SPATS2: variants seen among roughly 807,000 people sequenced by gnomAD.
SPATS2 encodes spermatogenesis-associated serine-rich protein 2.
Under a neutral mutation model 63.7 loss-of-function variants are expected in SPATS2, and 38 were observed. The observed-to-expected ratio is 0.60, with a 90% CI of 0.46 to 0.78. SPATS2 has a LOEUF of 0.78. Ranked by LOEUF, SPATS2 falls within the 30% of genes least tolerant of loss-of-function variation. The pLI, the probability that SPATS2 is intolerant of heterozygous loss-of-function variation, is 0.00. For synonymous variants in SPATS2, 207 were observed against 232.9 expected (o/e 0.89, Z 1.01); for missense variants, 588 against 666.2 (o/e 0.88, Z 1.29).
At position 49,455,417 on chromosome 12, in the gene SPATS2, C is replaced by T. The variant is rs370715867; in HGVS notation, c.-243-5353C>T. 4.7e-4 allele frequency among the ~76,000 whole-genome samples: 71 copies of T among 152,286 alleles called. No individual in the cohort carries two copies. In the South Asian group the frequency reaches 0.012, roughly 26 times the overall value. Reference sequence around the variant, plus strand: ...CATTTACCAAGGTCTCCTATAGTCTCTGTTTTCTGACACAGGATCTTGCTC... The same window carrying T: ...CATTTACCAAGGTCTCCTATAGTCTTTGTTTTCTGACACAGGATCTTGCTC... On this transcript the variant is annotated intron_variant, in intron 2 of 13. Transcript: ENST00000552918.
At chr12:49,369,097 G>A (rs935845392) in intron 1 of SPATS2, among the ~76,000 whole-genome samples, 6 of 142,956 alleles carry the variant, frequency 4.2e-5, no homozygotes, top group Non-Finnish European at 9.0e-5. Flanking sequence ...GTGCAGTGGC[G>A]TGATCTCGGC....
chr12:49,461,038 G>GTA lies in SPATS2; in HGVS notation c.25+2_25+3dup. 6.2e-7 allele frequency: 1 copy of GTA among 1,613,820 alleles called. No individual in the cohort carries two copies. Among genetic ancestry groups the GTA allele is most frequent in the Non-Finnish European group, 8.5e-7 (1 of 1,179,898 alleles). On this transcript the variant is annotated splice_donor_variant, in intron 3 of 13. Transcript: ENST00000552918. LOFTEE classifies it high-confidence loss of function. ...ATGTCCAGGAAACAGAACCAGAAGG[G>GTA]TAAGATTACATGTGGGCATAAATTG...
At chr12:49,378,046 C>G (rs1438969353) in intron 2 of SPATS2, among the ~76,000 whole-genome samples, 1 of 152,170 alleles carries the variant, frequency 6.6e-6, no homozygotes, top group Non-Finnish European at 1.5e-5. Flanking sequence ...GATCTTGGCT[C>G]ACTGCCACCT....
At chr12:49,497,947 A>T (rs60192471) in intron 8 of SPATS2, among the ~76,000 whole-genome samples, 1,662 of 152,032 alleles carry the variant, frequency 0.011, 28 homozygotes, top group African/African-American at 0.038. Flanking sequence ...ACATCTAAGC[A>T]TGGTGGTCCA....
At chr12:49,457,411 T>A (rs1355831841) in intron 2 of SPATS2, among the ~76,000 whole-genome samples, 1 of 152,042 alleles carries the variant, frequency 6.6e-6, no homozygotes, top group African/African-American at 2.4e-5. Context: ...TCCACTATGG[T>A]TAGTTGTTGA....
intron 4 of SPATS2, among the ~76,000 whole-genome samples, chr12:49,486,080 A>T (rs1324579977): frequency 1.3e-5 from 2 of 152,012 alleles, no homozygotes; most frequent in Admixed American, 6.6e-5. Flanking sequence ...TTTAAAAAAA[A>T]ATTGTTGACT....
At chr12:49,377,109 T>C (rs947202922) in intron 2 of SPATS2, among the ~76,000 whole-genome samples, 3 of 152,216 alleles carry the variant, frequency 2.0e-5, no homozygotes, top group African/African-American at 7.2e-5. Context: ...CTAGGTTTGT[T>C]GAAATGTCTA....
At chr12:49,396,706 TCTC>T (rs1422203100) in intron 2 of SPATS2, among the ~76,000 whole-genome samples, 8 of 152,148 alleles carry the variant, frequency 5.3e-5, no homozygotes, top group Non-Finnish European at 7.3e-5. Flanking sequence ...GGCTTTCTCT[TCTC>T]CTAGCTAGAG....
At chr12:49,477,431 A>G (rs1946136367) in intron 3 of SPATS2, among the ~76,000 whole-genome samples, 1 of 152,212 alleles carries the variant, frequency 6.6e-6, no homozygotes, top group Admixed American at 6.5e-5. Context: ...GAAAGCTGAA[A>G]TAACAGGAAT....
At chr12:49,524,923 T>C in intron 13 of SPATS2, 27 bp downstream of exon 13, 1 of 1,605,442 alleles carries the variant, frequency 6.2e-7, no homozygotes, top group South Asian at 1.1e-5. Flanking sequence ...ACTGAGCATG[T>C]TAGGAAGAAA....
chr12:49,427,761 T>G (rs988491234), intron 2 of SPATS2, among the ~76,000 whole-genome samples: 3 of 152,180 alleles, frequency 2.0e-5, no homozygotes, highest in Non-Finnish European at 2.9e-5. Flanking sequence ...ATTACCTAAA[T>G]TTTCAAATGT....
At chr12:49,480,827 TG>T (rs1946194182) in intron 3 of SPATS2, among the ~76,000 whole-genome samples, 1 of 151,926 alleles carries the variant, frequency 6.6e-6, no homozygotes, top group Non-Finnish European at 1.5e-5. Context: ...ATATGCACCC[TG>T]GGTATAAATA....
intron 3 of SPATS2, chr12:49,462,778 C>G: frequency 5.6e-6 from 2 of 358,982 alleles, no homozygotes; most frequent in South Asian, 5.6e-5. Context: ...GTTACACCAT[C>G]AAGCTGTCCC....
chr12:49,435,638 CTTTTTTTTTTTTTT>C (rs34420984), intron 2 of SPATS2, among the ~76,000 whole-genome samples: 2 of 96,026 alleles, frequency 2.1e-5, no homozygotes, highest in African/African-American at 3.3e-5. Context: ...TGAATGGTTT[CTTTTTTTTTTTTTT>C]TTTTTTTTTT....
chr12:49,469,639 C>A (rs952120930), intron 3 of SPATS2: 4 of 404,374 alleles, frequency 9.9e-6, no homozygotes, highest in Admixed American at 6.1e-5. Context: ...ATCTGTAATT[C>A]CAGCACTTTA....
intron 2 of SPATS2, among the ~76,000 whole-genome samples, chr12:49,386,058 G>A (rs1433469586): frequency 1.3e-5 from 2 of 151,500 alleles, no homozygotes; most frequent in Non-Finnish European, 2.9e-5. Flanking sequence ...TAGTAGAGTC[G>A]GGGTTTCACC....
chr12:49,416,350 A>T (rs1462456344), intron 2 of SPATS2, among the ~76,000 whole-genome samples: 1 of 152,098 alleles, frequency 6.6e-6, no homozygotes, highest in Non-Finnish European at 1.5e-5. Flanking sequence ...CTGGGCTGGG[A>T]AGCCTTAACA....
chr12:49,500,995 A>G (rs952465639), intron 9 of SPATS2, among the ~76,000 whole-genome samples: 2 of 152,056 alleles, frequency 1.3e-5, no homozygotes, highest in African/African-American at 4.8e-5. Flanking sequence ...TCTGTCACCC[A>G]GGCTGGAATG....
At chr12:49,445,416 C>T (rs370502121) in intron 2 of SPATS2, among the ~76,000 whole-genome samples, 1 of 152,106 alleles carries the variant, frequency 6.6e-6, no homozygotes, top group Admixed American at 6.6e-5. Context: ...TTAAGCCAAT[C>T]TTCCATTCCT....
Sources: allele counts gnomAD v4.1 joint callset (sites outside exome capture counted in the v4.1 genomes callset), GRCh38; gene constraint gnomAD v4.1.1; transcripts MANE v1.5; gene names NCBI Gene and HGNC (gene_info 2026-07-23, HGNC 2026-07-21).